Variants in PTPRD observed in about 807,000 individuals in gnomAD.
PTPRD encodes protein tyrosine phosphatase receptor type D, also known as receptor-type tyrosine-protein phosphatase delta.
Under a neutral mutation model 214.5 loss-of-function variants are expected in PTPRD, and 34 were observed. That is an observed-to-expected ratio of 0.16 (90% CI 0.12 to 0.21). The LOEUF is 0.21. Among genes scored for constraint, PTPRD ranks in the 10% least tolerant of loss-of-function variants. The pLI is 1.00. For missense variants in PTPRD, 2,545 were observed against 2,398.7 expected, an observed-to-expected ratio of 1.06 and a Z score of -1.27; for synonymous variants, 1,128 against 845.7, an observed-to-expected ratio of 1.33 and a Z score of -5.79.
chr9:9,197,273 C>T (rs2099939133), intron 9 of PTPRD, among the ~76,000 whole-genome samples: 1 of 152,104 alleles, frequency 6.6e-6, no homozygotes, highest in Non-Finnish European at 1.5e-5. Context: ...CTATCACTCC[C>T]TTACTAAAGT....
chr9:8,741,566 CTTTTTTTTTTTTTTTTTTTTTTTTT>C (rs66547770), intron 11 of PTPRD, among the ~76,000 whole-genome samples: 1 of 70,634 alleles, frequency 1.4e-5, no homozygotes, highest in African/African-American at 6.1e-5. Flanking sequence ...TCAGGCATTT[CTTTTTTTTTTTTTTTTTTTTTTTTT>C]TTTTTTTTTT....
rs190322302 is a variant in PTPRD at position 8,806,068 on chromosome 9, T to A, written c.-103-72122A>T. ...CCTCCTGAGTAGCTGGGATTACAGG[T>A]GACCACCACTATGCCCAGCTAATTT... On this transcript the variant is annotated intron_variant, in intron 11 of 45. Coordinates refer to ENST00000381196, the MANE Select transcript of PTPRD (RefSeq NM_002839.4). Among the ~76,000 whole-genome samples the A allele has an allele frequency of 3.1e-3, 469 of 150,742 alleles. 4 individuals carry two copies. The highest frequency in any genetic ancestry group is 4.8e-3 in the Non-Finnish European group (322 of 67,696).
At chr9:8,475,000 T>C (rs2096735144) in intron 30 of PTPRD, among the ~76,000 whole-genome samples, 1 of 152,302 alleles carries the variant, frequency 6.6e-6, no homozygotes, top group South Asian at 2.1e-4. Context: ...GTTTCAACCA[T>C]GTACAAATAT....
intron 37 of PTPRD, among the ~76,000 whole-genome samples, chr9:8,383,340 T>G (rs2085794366): frequency 6.6e-6 from 1 of 152,082 alleles, no homozygotes; most frequent in South Asian, 2.1e-4. Flanking sequence ...AGGTCAGAAG[T>G]GTTCCACCAG....
chr9:9,412,719 T>A (rs1007633027), intron 8 of PTPRD, among the ~76,000 whole-genome samples: 2 of 152,144 alleles, frequency 1.3e-5, no homozygotes, highest in Non-Finnish European at 2.9e-5. Flanking sequence ...GAGTACCTTA[T>A]GGAATTCTCT....
At chr9:8,763,438 C>T (rs2094525426) in intron 11 of PTPRD, among the ~76,000 whole-genome samples, 1 of 151,932 alleles carries the variant, frequency 6.6e-6, no homozygotes, top group African/African-American at 2.4e-5. Flanking sequence ...CACTTATATC[C>T]AGGAGGAGGA....
intron 8 of PTPRD, among the ~76,000 whole-genome samples, chr9:9,491,329 T>G (rs2095884990): frequency 6.6e-6 from 1 of 151,852 alleles, no homozygotes; most frequent in African/African-American, 2.4e-5. Flanking sequence ...AAGGAAGAAA[T>G]AGTTCTACGA....
chr9:8,465,316 G>A, intron 32 of PTPRD, 150 bp downstream of exon 32: 1 of 689,502 alleles, frequency 1.5e-6, no homozygotes, highest in South Asian at 1.9e-5. Context: ...ATTGAGCAAT[G>A]TTCAAAGAGT....
chr9:8,595,729 T>G (rs148019222), intron 14 of PTPRD, among the ~76,000 whole-genome samples: 113 of 152,328 alleles, frequency 7.4e-4, no homozygotes, highest in African/African-American at 2.7e-3. Flanking sequence ...TTTACTGTAT[T>G]GGAGGTCATA....
chr9:9,703,465 C>T (rs889833578), intron 7 of PTPRD, among the ~76,000 whole-genome samples: 3 of 152,126 alleles, frequency 2.0e-5, no homozygotes, highest in African/African-American at 7.2e-5. Flanking sequence ...TTACATTCAC[C>T]AGGAAGCTTG....
chr9:10,090,917 TATACACACACACAC>T (rs1311395143), intron 3 of PTPRD, among the ~76,000 whole-genome samples: 390 of 53,008 alleles, frequency 7.4e-3, no homozygotes, highest in African/African-American at 0.03. Flanking sequence ...ATAAATGAAA[TATACACACACACAC>T]ACACACACAC....
intron 2 of PTPRD, among the ~76,000 whole-genome samples, chr9:10,357,842 C>T (rs979140114): frequency 3.3e-5 from 5 of 152,236 alleles, no homozygotes; most frequent in African/African-American, 1.2e-4. Context: ...GTGATCAAAA[C>T]CCATGAGGTC....
chr9:9,679,080 G>A (rs1260038912), intron 7 of PTPRD, among the ~76,000 whole-genome samples: 1 of 148,860 alleles, frequency 6.7e-6, no homozygotes, highest in Non-Finnish European at 1.5e-5. Context: ...AATTTCAAAA[G>A]AGGAGAGAGA....
chr9:9,545,067 G>A (rs1243183712), intron 8 of PTPRD, among the ~76,000 whole-genome samples: 1 of 151,624 alleles, frequency 6.6e-6, no homozygotes, highest in Admixed American at 6.6e-5. Flanking sequence ...CCCACATATG[G>A]ATAAGGTTGC....
At chr9:9,023,741 T>C (rs1433964568) in intron 10 of PTPRD, among the ~76,000 whole-genome samples, 3 of 152,058 alleles carry the variant, frequency 2.0e-5, no homozygotes, top group Non-Finnish European at 2.9e-5. Flanking sequence ...GCTCCACTTA[T>C]AAGTGAGAAA....
chr9:8,410,734 T>C (rs2093444037), intron 35 of PTPRD, among the ~76,000 whole-genome samples: 1 of 152,230 alleles, frequency 6.6e-6, no homozygotes, highest in African/African-American at 2.4e-5. Context: ...AGATAAGTGA[T>C]AAAATGCATC....
rs181250676 is a variant in PTPRD at position 9,628,076 on chromosome 9, C to T, written c.-286-53295G>A. On this transcript the variant is annotated intron_variant, in intron 7 of 45. Transcript: ENST00000381196. ...ATGGGATTTCCTTTGGTTAGTTTTCCCACTTATATTGTTTCTCACAGATTT... is the reference window on the plus strand; with the variant it reads ...ATGGGATTTCCTTTGGTTAGTTTTCTCACTTATATTGTTTCTCACAGATTT... Among the ~76,000 whole-genome samples the T allele has an allele frequency of 3.3e-3, 508 of 152,088 alleles. 3 individuals carry two copies. Among genetic ancestry groups the T allele is most frequent in the African/African-American group, 0.012 (494 of 41,488 alleles).
intron 7 of PTPRD, among the ~76,000 whole-genome samples, chr9:9,653,391 C>T (rs2096423953): frequency 7.8e-6 from 1 of 128,050 alleles, no homozygotes; most frequent in South Asian, 2.7e-4. Context: ...AAAAAAGTGC[C>T]TCATTCTCAT....
intron 3 of PTPRD, among the ~76,000 whole-genome samples, chr9:10,135,580 T>C (rs1052410203): frequency 2.6e-5 from 4 of 152,056 alleles, no homozygotes; most frequent in Non-Finnish European, 5.9e-5. Context: ...ATATTTAGCA[T>C]CCTTAAAGAA....
Sources: allele counts gnomAD v4.1 joint callset (sites outside exome capture counted in the v4.1 genomes callset), GRCh38; gene constraint gnomAD v4.1.1; transcripts MANE v1.5; gene names NCBI Gene and HGNC (gene_info 2026-07-23, HGNC 2026-07-21).